Variants in MINPP1 observed in about 807,000 individuals in gnomAD.
The protein encoded by MINPP1 is multiple inositol polyphosphate phosphatase 1.
Under a neutral mutation model 46.1 loss-of-function variants are expected in MINPP1, and 28 were observed. The observed-to-expected ratio is 0.61, with a 90% CI of 0.45 to 0.83. The LOEUF (loss-of-function observed/expected upper bound fraction) is 0.83. Among genes scored for constraint, MINPP1 ranks in the 40% least tolerant of loss-of-function variants. MINPP1 has a pLI of 0.00. For missense variants in MINPP1, 603 were observed against 610.0 expected (o/e 0.99, Z 0.12); for synonymous variants, 268 against 249.1 (o/e 1.08, Z -0.72).
At chr10:87,547,978 C>T (rs776573417) in intron 4 of MINPP1, among the ~76,000 whole-genome samples, 12 of 152,166 alleles carry the variant, frequency 7.9e-5, no homozygotes, top group Admixed American at 1.3e-4. Context: ...GGAATGAAGC[C>T]TGAGAGAGAT....
Position 87,521,103 on chromosome 10 carries a change from G to A in MINPP1, c.1001G>A (p.Arg334Gln), listed in dbSNP as rs535934270. The change falls in exon 4 of 5, where the codon CGA (arginine) becomes CAA (glutamine). Residue 334 changes from arginine (R) to glutamine (Q), a missense_variant. Around this residue, in one of 3 missense-constraint regions of MINPP1, gnomAD observed 344 missense variants for 381.1 expected, o/e 0.90. Transcript: ENST00000371996. ...GGATATGGGTATACTATTAACAGTC[G>A]ATCCAGCTGCACCTTGTTTCAGGAT... ...KRGYGYTINS[R>Q]SSCTLFQDIF... 5.0e-6 allele frequency: 8 copies of A among 1,590,468 alleles called. No homozygotes were observed. Among genetic ancestry groups the A allele is most frequent in the South Asian group, 4.4e-5 (4 of 90,200 alleles).
chr10:87,509,569 A>G (rs1851305280), intron 2 of MINPP1: 1 of 170,336 alleles, frequency 5.9e-6, no homozygotes, highest in African/African-American at 2.4e-5. Context: ...TGCTTCAGTT[A>G]CTTGCCTTAA....
rs538417314 is a variant in MINPP1 at position 87,519,651 on chromosome 10, A to G, written c.934-1385A>G. ...CAAGTAGCTCCTCCTCACCCCTTTA[A>G]TGTATTTTTTGTTTTGTTTTTATAT... On this transcript the variant is annotated intron_variant, in intron 3 of 4. Coordinates refer to ENST00000371996, the MANE Select transcript of MINPP1 (RefSeq NM_004897.5). 2.6e-5 allele frequency among the ~76,000 whole-genome samples: 4 copies of G among 152,072 alleles called. No homozygotes were observed. In the South Asian group the frequency reaches 8.3e-4, roughly 32 times the overall value.
intron 2 of MINPP1, among the ~76,000 whole-genome samples, chr10:87,508,878 T>C (rs1851294159): frequency 6.8e-6 from 1 of 147,296 alleles, no homozygotes; most frequent in African/African-American, 2.6e-5. Flanking sequence ...AATGGAAAAA[T>C]CATATAAATT....
chr10:87,512,972 T>A (rs1212486105), intron 2 of MINPP1, 152 bp from the exon 3 acceptor site: 1 of 671,832 alleles, frequency 1.5e-6, no homozygotes, highest in Non-Finnish European at 2.7e-6. Flanking sequence ...CTTAATTCTT[T>A]GATAGCCAGG....
chr10:87,537,082 A>G (rs1169426307), intron 4 of MINPP1, among the ~76,000 whole-genome samples: 1 of 152,098 alleles, frequency 6.6e-6, no homozygotes, highest in East Asian at 1.9e-4. Context: ...GATTACAGGC[A>G]TGTGCCACCA....
intron 2 of MINPP1, among the ~76,000 whole-genome samples, chr10:87,511,677 G>A (rs1274083923): frequency 1.3e-5 from 2 of 152,078 alleles, no homozygotes; most frequent in African/African-American, 4.8e-5. Flanking sequence ...GTCTTCATCT[G>A]ATGCTTTTTC....
At chr10:87,524,152 C>G (rs910166772) in intron 4 of MINPP1, among the ~76,000 whole-genome samples, 8 of 152,212 alleles carry the variant, frequency 5.3e-5, no homozygotes, top group Admixed American at 4.6e-4. Flanking sequence ...CATTGAAAAT[C>G]TGCTTAGTAT....
intron 4 of MINPP1, among the ~76,000 whole-genome samples, chr10:87,536,792 CCTTTT>C (rs1371158133): frequency 8.5e-5 from 13 of 152,244 alleles, no homozygotes; most frequent in Middle Eastern, 3.4e-3. Flanking sequence ...CATTTGTTCA[CCTTTT>C]GATGAACATT....
At chr10:87,518,259 C>CT (rs75624180) in intron 3 of MINPP1, among the ~76,000 whole-genome samples, 1,511 of 144,958 alleles carry the variant, frequency 0.01, 19 homozygotes, top group African/African-American at 0.036. Flanking sequence ...GCACCCGGCC[C>CT]TTTTTTTTTT....
At chr10:87,509,735 G>A in intron 2 of MINPP1, 1 of 353,768 alleles carries the variant, frequency 2.8e-6, no homozygotes, top group Non-Finnish European at 5.8e-6. Flanking sequence ...TTTTAAGAGT[G>A]GTATCAAAGT....
At chr10:87,511,458 C>T (rs889406544) in intron 2 of MINPP1, among the ~76,000 whole-genome samples, 3 of 151,278 alleles carry the variant, frequency 2.0e-5, no homozygotes, top group East Asian at 2.0e-4. Flanking sequence ...GGGTCTATTT[C>T]GTTTTTTAAA....
At chr10:87,549,107 T>A (rs1183445429) in intron 4 of MINPP1, among the ~76,000 whole-genome samples, 1 of 152,190 alleles carries the variant, frequency 6.6e-6, no homozygotes, top group African/African-American at 2.4e-5. Context: ...AAATTTCTTC[T>A]GAAGAATTCA....
At chr10:87,537,281 G>A (rs1430142750) in intron 4 of MINPP1, among the ~76,000 whole-genome samples, 2 of 152,128 alleles carry the variant, frequency 1.3e-5, no homozygotes, top group African/African-American at 4.8e-5. Flanking sequence ...TCCCACCAAT[G>A]TATGAGAGTT....
At chr10:87,518,204 C>CT (rs1469860268) in intron 3 of MINPP1, among the ~76,000 whole-genome samples, 3 of 151,294 alleles carry the variant, frequency 2.0e-5, no homozygotes, top group Non-Finnish European at 4.4e-5. Flanking sequence ...CGCAATCCGC[C>CT]TGTCTCAGCC....
chr10:87,523,250 G>A (rs181922527), intron 4 of MINPP1, among the ~76,000 whole-genome samples: 246 of 152,176 alleles, frequency 1.6e-3, no homozygotes, highest in African/African-American at 5.7e-3. Context: ...GAGGTTTCCA[G>A]TTTACATTCC....
intron 4 of MINPP1, among the ~76,000 whole-genome samples, chr10:87,527,719 CA>C (rs1396830333): frequency 6.6e-6 from 1 of 152,134 alleles, no homozygotes; most frequent in African/African-American, 2.4e-5. Context: ...ATGCTGGCCT[CA>C]TAAAATGAGT....
At chr10:87,541,115 C>G (rs1166359766) in intron 4 of MINPP1, among the ~76,000 whole-genome samples, 1 of 152,168 alleles carries the variant, frequency 6.6e-6, no homozygotes, top group Non-Finnish European at 1.5e-5. Flanking sequence ...TGACACTATG[C>G]TACTTAACTT....
At chr10:87,534,926 G>A (rs1244375749) in intron 4 of MINPP1, among the ~76,000 whole-genome samples, 1 of 152,186 alleles carries the variant, frequency 6.6e-6, no homozygotes, top group Non-Finnish European at 1.5e-5. Context: ...AATTCAGCAA[G>A]CAGTTTTTGA....
Sources: allele counts gnomAD v4.1 joint callset (sites outside exome capture counted in the v4.1 genomes callset), GRCh38; gene constraint gnomAD v4.1.1; regional missense constraint gnomAD v4.1.1; transcripts MANE v1.5; gene names NCBI Gene and HGNC (gene_info 2026-07-23, HGNC 2026-07-21).